The following TMEM181 variants were observed in gnomAD, a reference collection of about 807,000 sequenced individuals.
The protein encoded by TMEM181 is G protein-coupled receptor 178.
Under a neutral mutation model 71.9 loss-of-function variants are expected in TMEM181, and 39 were observed. That is an observed-to-expected ratio of 0.54 (90% CI 0.42 to 0.71). The LOEUF is 0.71. Ranked by LOEUF, TMEM181 falls within the 30% of genes least tolerant of loss-of-function variation. The probability of loss-of-function intolerance (pLI) is 0.00; values close to 1 mark genes in which losing one functional copy is unlikely to be tolerated. For synonymous variants in TMEM181, 245 were observed against 228.8 expected, an observed-to-expected ratio of 1.07 and a Z score of -0.64; for missense variants, 595 against 583.0, an observed-to-expected ratio of 1.02 and a Z score of -0.21.
chr6:158,568,503 C>T (rs1464515500), intron 1 of TMEM181, among the ~76,000 whole-genome samples: 1 of 152,022 alleles, frequency 6.6e-6, no homozygotes, highest in African/African-American at 2.4e-5. Flanking sequence ...AGAGGGAAGG[C>T]CTGGGGTCAG....
intron 1 of TMEM181, among the ~76,000 whole-genome samples, chr6:158,550,300 C>A (rs553662539): frequency 7.2e-5 from 11 of 151,906 alleles, no homozygotes; most frequent in African/African-American, 2.2e-4. Context: ...CCGCCATGGC[C>A]TCCCAAAGTG....
chr6:158,603,785 G>GT (rs1178336231), intron 6 of TMEM181, among the ~76,000 whole-genome samples: 1 of 151,828 alleles, frequency 6.6e-6, no homozygotes, highest in Non-Finnish European at 1.5e-5. Context: ...TTGATTCGTT[G>GT]TTTTTTTCCT....
At chr6:158,630,638 T>C (rs1349963619) in intron 15 of TMEM181, among the ~76,000 whole-genome samples, 1 of 151,954 alleles carries the variant, frequency 6.6e-6, no homozygotes, top group Non-Finnish European at 1.5e-5. Context: ...TCACGATATT[T>C]TCAACCTGAC....
At chr6:158,600,231 T>A (rs768598742) in intron 6 of TMEM181, among the ~76,000 whole-genome samples, 4 of 151,900 alleles carry the variant, frequency 2.6e-5, no homozygotes, top group Non-Finnish European at 4.4e-5. Context: ...TGCAGTGCGA[T>A]CTTGGCTCAC....
rs1270968961 is a variant in TMEM181 at position 158,570,841 on chromosome 6, A to AT, written c.9-2569dup. ...CATCTAGTCCATTTAGCTTTGTGTCATTTTTTTTTTAACTGAAAAGGCCCT... is the reference window on the plus strand; with the variant it reads ...CATCTAGTCCATTTAGCTTTGTGTCATTTTTTTTTTTAACTGAAAAGGCCCT... On this transcript the variant is annotated intron_variant, in intron 1 of 16. Coordinates refer to ENST00000684151, the MANE Select transcript of TMEM181 (RefSeq NM_001376852.1). Among the ~76,000 whole-genome samples, 320 of 147,044 alleles carry AT rather than the reference A, an allele frequency of 2.2e-3. 1 individual carries two copies. Among genetic ancestry groups the AT allele is most frequent in the African/African-American group, 5.7e-3 (230 of 40,238 alleles).
intron 1 of TMEM181, among the ~76,000 whole-genome samples, chr6:158,561,446 C>T (rs1782166965): frequency 6.6e-6 from 1 of 152,188 alleles, no homozygotes; most frequent in African/African-American, 2.4e-5. Context: ...AATAATACTG[C>T]TTGGAACGGT....
At chr6:158,627,663 C>T (rs1475233091) in intron 13 of TMEM181, among the ~76,000 whole-genome samples, 3 of 152,200 alleles carry the variant, frequency 2.0e-5, no homozygotes, top group Non-Finnish European at 2.9e-5. Flanking sequence ...ACAGCTGCGT[C>T]GCTGGAGGCC....
At chr6:158,611,882 A>T (rs1010920413) in intron 10 of TMEM181, among the ~76,000 whole-genome samples, 1 of 152,104 alleles carries the variant, frequency 6.6e-6, no homozygotes, top group African/African-American at 2.4e-5. Context: ...AGGTTATCAC[A>T]GGCTTGGAAT....
intron 1 of TMEM181, chr6:158,536,888 C>A: frequency 7.5e-7 from 1 of 1,326,066 alleles, no homozygotes; most frequent in Non-Finnish European, 9.7e-7. Flanking sequence ...CGGGCAGCGG[C>A]GGGGCGGCCG....
chr6:158,544,742 A>G (rs1284220349), intron 1 of TMEM181, among the ~76,000 whole-genome samples: 4 of 152,006 alleles, frequency 2.6e-5, no homozygotes, highest in South Asian at 4.2e-4. Context: ...AGCTCCCTGT[A>G]AGGCCTGCCC....
chr6:158,590,753 C>T (rs376837003), intron 6 of TMEM181, among the ~76,000 whole-genome samples: 13 of 152,356 alleles, frequency 8.5e-5, no homozygotes, highest in South Asian at 6.2e-4. Context: ...TGAGCCACCG[C>T]GCCCGGCCCA....
chr6:158,626,790 C>T (rs1271209447), intron 13 of TMEM181: 14 of 455,984 alleles, frequency 3.1e-5, no homozygotes, highest in Non-Finnish European at 3.5e-5. Flanking sequence ...ACACCTCACT[C>T]ATGCCTTCAC....
At chr6:158,588,690 C>T (rs917552047) in intron 5 of TMEM181, among the ~76,000 whole-genome samples, 11 of 152,228 alleles carry the variant, frequency 7.2e-5, no homozygotes, top group Admixed American at 2.0e-4. Flanking sequence ...TCAAGTGATC[C>T]GCCTGCCTTG....
At chr6:158,544,774 CAG>C (rs2128278904) in intron 1 of TMEM181, among the ~76,000 whole-genome samples, 1 of 152,246 alleles carries the variant, frequency 6.6e-6, no homozygotes, top group African/African-American at 2.4e-5. Context: ...CTGTGCTTCT[CAG>C]AGGAGAACTC....
At chr6:158,630,505 A>G (rs989362921) in intron 15 of TMEM181, among the ~76,000 whole-genome samples, 13 of 152,068 alleles carry the variant, frequency 8.5e-5, no homozygotes, top group Admixed American at 7.9e-4. Flanking sequence ...AAAAAAAATT[A>G]AATAAAATAG....
chr6:158,628,313 C>A, intron 13 of TMEM181, 95 bp from the exon 14 acceptor site: 2 of 1,177,982 alleles, frequency 1.7e-6, no homozygotes, highest in South Asian at 1.3e-5. Context: ...AGTGTACAGA[C>A]GGAAAGCTTG....
chr6:158,630,115 A>G (rs761401237), intron 15 of TMEM181, among the ~76,000 whole-genome samples: 3 of 152,212 alleles, frequency 2.0e-5, no homozygotes, highest in African/African-American at 4.8e-5. Context: ...TGCAAAAGCA[A>G]TGCACATTCA....
chr6:158,550,895 A>G (rs1781700667), intron 1 of TMEM181, among the ~76,000 whole-genome samples: 1 of 27,516 alleles, frequency 3.6e-5, no homozygotes. Flanking sequence ...GTCTCAGGAA[A>G]AAAAAAAAAA....
intron 10 of TMEM181, chr6:158,611,359 C>T (rs1785296846): frequency 7.6e-6 from 4 of 529,240 alleles, no homozygotes; most frequent in East Asian, 5.4e-5. Flanking sequence ...CTCTCCCTTC[C>T]TTTTCGGCAT....
Sources: allele counts gnomAD v4.1 joint callset (sites outside exome capture counted in the v4.1 genomes callset), GRCh38; gene constraint gnomAD v4.1.1; transcripts MANE v1.5; gene names NCBI Gene and HGNC (gene_info 2026-07-23, HGNC 2026-07-21).